OSBPL9: variants seen among roughly 807,000 people sequenced by gnomAD.
OSBPL9 encodes the protein oxysterol-binding protein-related protein 9.
A neutral mutation model predicts 106.6 loss-of-function variants in OSBPL9; 40 were observed. The ratio of observed to expected loss-of-function variants is 0.38; its 90% CI spans 0.29 to 0.49. The LOEUF is 0.49. OSBPL9 is among the 20% of genes least tolerant of loss of function. The probability of loss-of-function intolerance (pLI) is 0.97; values close to 1 mark genes in which losing one functional copy is unlikely to be tolerated. For missense variants in OSBPL9, 609 were observed against 887.2 expected (o/e 0.69, Z 3.98); for synonymous variants, 269 against 295.4 (o/e 0.91, Z 0.92).
At chr1:51,730,549 G>A (rs1664154577) in intron 4 of OSBPL9, among the ~76,000 whole-genome samples, 1 of 152,014 alleles carries the variant, frequency 6.6e-6, no homozygotes, top group Non-Finnish European at 1.5e-5. Flanking sequence ...ACGCTTTTTG[G>A]GTAGCTTGTG....
At chr1:51,755,541 A>G (rs1670156007) in intron 8 of OSBPL9, among the ~76,000 whole-genome samples, 1 of 152,130 alleles carries the variant, frequency 6.6e-6, no homozygotes, top group African/African-American at 2.4e-5. Flanking sequence ...ATGCTATATG[A>G]TCTTCTCTCA....
intron 4 of OSBPL9, among the ~76,000 whole-genome samples, chr1:51,725,253 CT>C (rs1436613307): frequency 6.6e-6 from 1 of 151,904 alleles, no homozygotes; most frequent in Non-Finnish European, 1.5e-5. Context: ...CTGTTACAGT[CT>C]TTTTGATCAG....
chr1:51,769,743 T>G (rs74080627), intron 12 of OSBPL9, among the ~76,000 whole-genome samples: 3,510 of 152,282 alleles, frequency 0.023, 78 homozygotes, highest in Middle Eastern at 0.088. Flanking sequence ...GGCTGAAAAT[T>G]TATCCCATTT....
At chr1:51,650,219 T>C (rs1166733137) in intron 1 of OSBPL9, among the ~76,000 whole-genome samples, 1 of 152,174 alleles carries the variant, frequency 6.6e-6, no homozygotes, top group Non-Finnish European at 1.5e-5. Context: ...CCCTAATAGT[T>C]GTATTACCAC....
chr1:51,657,229 T>C (rs533418730), intron 2 of OSBPL9, among the ~76,000 whole-genome samples: 54 of 152,326 alleles, frequency 3.5e-4, no homozygotes, highest in African/African-American at 1.3e-3. Context: ...ATCTTAAACA[T>C]AATGTGAGCC....
intron 3 of OSBPL9, among the ~76,000 whole-genome samples, chr1:51,671,156 A>G (rs1013299966): frequency 1.3e-5 from 2 of 152,194 alleles, no homozygotes; most frequent in Admixed American, 1.3e-4. Context: ...TTTATTTTCT[A>G]TTGTAGTAGT....
intron 4 of OSBPL9, among the ~76,000 whole-genome samples, chr1:51,737,894 A>T (rs969180317): frequency 6.6e-6 from 1 of 152,060 alleles, no homozygotes; most frequent in Non-Finnish European, 1.5e-5. Flanking sequence ...AGAGAGGGTG[A>T]CCATGTAATT....
chr1:51,598,109 T>G (rs1408120040), intron 1 of OSBPL9: 2 of 152,248 alleles, frequency 1.3e-5, no homozygotes, highest in African/African-American at 4.8e-5. Context: ...AACTATTGTT[T>G]TCCTCATTTT....
At chr1:51,694,821 A>G (rs1033770283) in intron 3 of OSBPL9, among the ~76,000 whole-genome samples, 1 of 152,224 alleles carries the variant, frequency 6.6e-6, no homozygotes, top group African/African-American at 2.4e-5. Context: ...GTGGCTGGTG[A>G]ATACATGTTT....
At chr1:51,651,808 G>A (rs1194066541) in intron 1 of OSBPL9, among the ~76,000 whole-genome samples, 183 bp from the exon 2 acceptor site, 1 of 152,152 alleles carries the variant, frequency 6.6e-6, no homozygotes, top group Non-Finnish European at 1.5e-5. Context: ...TATATAGACT[G>A]TATGACATTT....
intron 3 of OSBPL9, among the ~76,000 whole-genome samples, chr1:51,685,039 C>A (rs909927985): frequency 1.3e-5 from 2 of 151,952 alleles, no homozygotes; most frequent in Non-Finnish European, 2.9e-5. Context: ...GCCCTACAGC[C>A]CTTCCCTAGG....
At chr1:51,717,092 A>G (rs1661210888) in intron 4 of OSBPL9, among the ~76,000 whole-genome samples, 1 of 151,966 alleles carries the variant, frequency 6.6e-6, no homozygotes, top group African/African-American at 2.4e-5. Flanking sequence ...CAACCTCCTG[A>G]GTAGCTGGGA....
chr1:51,606,211 T>C (rs367627586), intron 2 of OSBPL9, among the ~76,000 whole-genome samples: 1 of 152,270 alleles, frequency 6.6e-6, no homozygotes, highest in African/African-American at 2.4e-5. Context: ...GTGATTCCAG[T>C]GCAGGCTGGT....
At chr1:51,558,162 C>T in the OSBPL9 span, among the ~76,000 whole-genome samples, 3 of 152,006 alleles carry the variant, frequency 2.0e-5, no homozygotes, top group African/African-American at 7.2e-5. Flanking sequence ...CGCCTGTAGT[C>T]CCAACTACTT....
At chr1:51,784,153 T>G (rs1677053786) in intron 18 of OSBPL9, 111 bp from the exon 19 acceptor site, 1 of 1,400,446 alleles carries the variant, frequency 7.1e-7, no homozygotes, top group East Asian at 2.3e-5. Flanking sequence ...GGGAACTAGA[T>G]AGGTTATCCC....
At chr1:51,771,488 C>CGT (rs1428001834) in intron 12 of OSBPL9, among the ~76,000 whole-genome samples, 4 of 151,918 alleles carry the variant, frequency 2.6e-5, no homozygotes, top group African/African-American at 9.7e-5. Context: ...AATATACGTG[C>CGT]GTGTGCGCGC....
intron 20 of OSBPL9, chr1:51,784,810 G>A: frequency 3.6e-6 from 2 of 552,160 alleles, no homozygotes; most frequent in Non-Finnish European, 6.2e-6. Flanking sequence ...CTAAAAACCT[G>A]ACTTGCAATG....
intron 3 of OSBPL9, among the ~76,000 whole-genome samples, chr1:51,700,333 C>G (rs1656966605): frequency 6.6e-6 from 1 of 152,188 alleles, no homozygotes; most frequent in South Asian, 2.1e-4. Flanking sequence ...CTCTAATGTC[C>G]TGAGCCAGAT....
chr1:51,684,913 CTT>C (rs1215136847), intron 3 of OSBPL9, among the ~76,000 whole-genome samples: 35 of 122,376 alleles, frequency 2.9e-4, no homozygotes, highest in Admixed American at 4.1e-4. Context: ...TGCTCTTCTT[CTT>C]TTTTTTTTTT....
Sources: gnomAD v4.1 joint callset for allele counts (sites outside exome capture counted in the v4.1 genomes callset) on GRCh38, gnomAD v4.1.1 for gene constraint, MANE v1.5 for transcripts, NCBI Gene and HGNC (gene_info 2026-07-23, HGNC 2026-07-21) for gene names.